PDIK1L: variants seen among roughly 807,000 people sequenced by gnomAD.
The protein encoded by PDIK1L is serine/threonine-protein kinase PDIK1L.
A neutral mutation model predicts 27.1 loss-of-function variants in PDIK1L; 9 were observed. The observed-to-expected ratio is 0.33, with a 90% CI of 0.20 to 0.58. PDIK1L has a LOEUF of 0.58. PDIK1L is among the 20% of genes least tolerant of loss of function. PDIK1L has a pLI of 0.86. For missense variants in PDIK1L, 216 were observed against 413.2 expected (o/e 0.52, Z 4.14); for synonymous variants, 130 against 141.7 (o/e 0.92, Z 0.59).
chr1:26,111,655 C>T (rs2087795407), upstream of PDIK1L, among the ~76,000 whole-genome samples: 3 of 151,568 alleles, frequency 2.0e-5, no homozygotes, highest in Admixed American at 2.0e-4. This position sits in a 1 kb window ranked among gnomAD's most constrained non-coding sequence, Gnocchi z 4.0. Context: ...CCGACGACTC[C>T]CGGCTCTGCA....
In PDIK1L at chr1:26,113,441, G is replaced by T. The variant is rs925302346; in HGVS notation, c.-17-851G>T. On this transcript the variant is annotated intron_variant, in intron 1 of 2. Transcript: ENST00000374269. ...TGGGAGGCGGAGCTTGCAGTGAGCC[G>T]AGATCAAGTCATTGCACTCCAGCCT... 4.1e-5 allele frequency among the ~76,000 whole-genome samples: 6 copies of T among 146,784 alleles called. 1 individual carries two copies. The South Asian group carries it at 8.7e-4, about 21-fold the overall frequency.
In PDIK1L at chr1:26,122,084, A is replaced by G; in HGVS notation, c.533A>G (p.Asp178Gly). ...ATCCTGATTTCTCAAACCAGGTTGGATACCAGTGACTTGGAACCTACCCTC... is the reference window on the plus strand; with the variant it reads ...ATCCTGATTTCTCAAACCAGGTTGGGTACCAGTGACTTGGAACCTACCCTC... Reference protein sequence around the residue: ...DNILISQTRLDTSDLEPTLKV... With the variant: ...DNILISQTRLGTSDLEPTLKV... The change falls in exon 3 of 3, where the codon GAT (aspartate) becomes GGT (glycine). Residue 178 changes from aspartate to glycine, a missense_variant. By Grantham distance (94) the Asp-to-Gly change is moderately conservative (BLOSUM62 -1). Transcript: ENST00000374269. This position sits in a 1 kb window ranked among gnomAD's most constrained non-coding sequence, Gnocchi z 5.4. 6.2e-7 allele frequency: 1 copy of G among 1,613,994 alleles called. No homozygotes were observed.
At position 26,118,275 on chromosome 1, in the gene PDIK1L, C is replaced by T. The variant is rs375028645; in HGVS notation, c.286-3562C>T. 3.3e-5 allele frequency among the ~76,000 whole-genome samples: 5 copies of T among 152,128 alleles called. No homozygotes were observed. The South Asian group carries it at 1.0e-3, about 32-fold the overall frequency. On this transcript the variant is annotated intron_variant, in intron 2 of 2. Transcript: ENST00000374269. ...GTTCAAGACTGCAGTGAGCCATGAT[C>T]GCACCACTGCACTCTAGCCTTTATC...
At chr1:26,115,023 T>A (rs1413588700) in intron 2 of PDIK1L, among the ~76,000 whole-genome samples, 1 of 152,256 alleles carries the variant, frequency 6.6e-6, no homozygotes, top group African/African-American at 2.4e-5. Context: ...AAGCCTCTGC[T>A]GTTTTAGAGG....
chr1:26,114,482 C>T lies in PDIK1L; in HGVS notation c.174C>T (p.Ser58=), dbSNP rs2087848402. ...CCCTTCGTGAGTTCTGGGCACTAAG[C>T]AGTATCAAGAGCCAACATCCAAATG... ...ELALREFWAL[S]SIKSQHPNVI... Residue 58 remains serine, a synonymous_variant, in exon 2 of 3, where the codon AGC becomes AGT. Transcript: ENST00000374269. The surrounding 1 kb of genome is among the most constrained non-coding windows in gnomAD (Gnocchi z 4.8). 6.2e-7 allele frequency: 1 copy of T among 1,613,980 alleles called. No individual in the cohort carries two copies. The highest frequency in any genetic ancestry group is 1.7e-5 in the Admixed American group (1 of 59,974).
chr1:26,118,217 A>C (rs2087914182), intron 2 of PDIK1L, among the ~76,000 whole-genome samples: 1 of 152,140 alleles, frequency 6.6e-6, no homozygotes, highest in South Asian at 2.1e-4. Context: ...GCTACTCAGG[A>C]AGCCGAGGCA....
Position 26,123,313 on chromosome 1 carries a change from C to A in PDIK1L, c.*736C>A, listed in dbSNP as rs2088024494. 6.6e-6 allele frequency: 1 copy of A among 151,940 alleles called. No homozygotes were observed. The highest frequency in any genetic ancestry group is 2.4e-5 in the African/African-American group (1 of 41,354). 9.4% of individuals were successfully genotyped at this position (151,940 alleles called of 1,614,324 possible). Reference sequence around the variant, plus strand: ...GTTTGAACTCTCCAGTGCCCTATAGCTGCAAGAGTTGAATTAGTCATGCAG... The same window carrying A: ...GTTTGAACTCTCCAGTGCCCTATAGATGCAAGAGTTGAATTAGTCATGCAG... On this transcript the variant is annotated 3_prime_UTR_variant, in exon 3 of 3. Coordinates refer to ENST00000374269, the MANE Select transcript of PDIK1L (RefSeq NM_152835.5).
In PDIK1L at chr1:26,111,827, T is replaced by G. The variant is rs1458623265; in HGVS notation, c.-106T>G. On this transcript the variant is annotated 5_prime_UTR_variant, in exon 1 of 3. Transcript: ENST00000374269. The surrounding 1 kb of genome is among the most constrained non-coding windows in gnomAD (Gnocchi z 4.0). The stretch of plus-strand genomic sequence containing the variant: ...ACGGGGGCGCGCGCCGGCTGCTGAC[T>G]GGAGGCGGCGGCAGCGGAGGCGCGA... 1.3e-5 allele frequency: 2 copies of G among 152,050 alleles called. No individual in the cohort carries two copies. Among genetic ancestry groups the G allele is most frequent in the Non-Finnish European group, 1.5e-5 (1 of 68,108 alleles). The allele number at this position is 152,050 out of a possible 1,614,324, so 9.4% of individuals were successfully genotyped here.
intron 2 of PDIK1L, among the ~76,000 whole-genome samples, chr1:26,117,292 A>G (rs2087895501): frequency 1.3e-5 from 2 of 151,796 alleles, no homozygotes. Context: ...GCAGCCTCCC[A>G]AAGTGCTGGG....
rs2087996342 is a variant in PDIK1L at position 26,121,951 on chromosome 1, A to C, written c.400A>C (p.Arg134=). Residue 134 remains arginine (R), a synonymous_variant, in exon 3 of 3, where the codon AGG becomes CGG. Coordinates refer to ENST00000374269, the MANE Select transcript of PDIK1L (RefSeq NM_152835.5). The part of the protein sequence containing the change: ...GGDMNEYLLS[R]KPNRKTNTSF... ...AGATATGAATGAGTATCTGTTGTCC[A>C]GGAAACCCAATCGTAAAACTAACAC... 1 of 1,614,116 alleles carries C rather than the reference A, an allele frequency of 6.2e-7. No homozygotes were observed. Among genetic ancestry groups the C allele is most frequent in the Admixed American group, 1.7e-5 (1 of 60,012 alleles).
rs1190251956 is a variant in PDIK1L, at chr1:26,123,015, T to C, written c.*438T>C. On this transcript the variant is annotated 3_prime_UTR_variant, in exon 3 of 3. Coordinates refer to ENST00000374269, the MANE Select transcript of PDIK1L (RefSeq NM_152835.5). The stretch of plus-strand genomic sequence containing the variant: ...ATTTATGTATATGTAAGTATGTGAA[T>C]GTGCGCATTTTGCATTCCATATGAA... The C allele has an allele frequency of 6.5e-6, 1 of 152,904 alleles. No individual in the cohort carries two copies. The highest frequency in any genetic ancestry group is 6.5e-5 in the Admixed American group (1 of 15,294). 9.5% of individuals were successfully genotyped at this position (152,904 alleles called of 1,614,324 possible). A position where few individuals can be genotyped will look rare whatever the true frequency, so the allele number is the denominator to read the frequency against.
Position 26,114,983 on chromosome 1 carries a change from A to G in PDIK1L, c.285+390A>G, listed in dbSNP as rs570499654. On this transcript the variant is annotated intron_variant, in intron 2 of 2. Coordinates refer to ENST00000374269, the MANE Select transcript of PDIK1L (RefSeq NM_152835.5). This position sits in a 1 kb window ranked among gnomAD's most constrained non-coding sequence, Gnocchi z 4.8. The stretch of plus-strand genomic sequence containing the variant: ...TAGCAACACCCCTAGGTAATTGGGC[A>G]TCTCTTTTATAAATCACTGGTTTGA... Among the ~76,000 whole-genome samples, 2 of 152,352 alleles carry G rather than the reference A, an allele frequency of 1.3e-5. No individual in the cohort carries two copies. Among genetic ancestry groups the G allele is most frequent in the Admixed American group, 1.3e-4 (2 of 15,298 alleles).
chr1:26,122,313 C>T lies in PDIK1L; in HGVS notation c.762C>T (p.Ile254=), dbSNP rs768815827. The change falls in exon 3 of 3, where the codon ATC becomes ATT. Residue 254 remains isoleucine (I), a synonymous_variant. Transcript: ENST00000374269. This position sits in a 1 kb window ranked among gnomAD's most constrained non-coding sequence, Gnocchi z 5.4. Reference sequence around the variant, plus strand: ...TCATCTGGGCAATGCTGGAAAGGATCACATTCATAGACACAGAGACAAAGA... The same window carrying T: ...TCATCTGGGCAATGCTGGAAAGGATTACATTCATAGACACAGAGACAAAGA... The part of the protein sequence containing the change: ...GIIIWAMLER[I]TFIDTETKKE... 8 of 1,614,102 alleles carry T rather than the reference C, an allele frequency of 5.0e-6. No individual in the cohort carries two copies. The highest frequency in any genetic ancestry group is 1.7e-5 in the Admixed American group (1 of 60,008).
Position 26,122,130 on chromosome 1 carries a change from A to G in PDIK1L, c.579A>G (p.Leu193=), listed in dbSNP as rs1557598063. The change falls in exon 3 of 3, where the codon CTA becomes CTG. Residue 193 remains leucine, a synonymous_variant. Transcript: ENST00000374269. The surrounding 1 kb of genome is among the most constrained non-coding windows in gnomAD (Gnocchi z 5.4). ...EPTLKVADFG[L]SKVCSASGQN... ...CCCTCAAAGTGGCTGATTTTGGTCTAAGTAAAGTTTGTTCAGCCTCTGGGC... is the reference window on the plus strand; with the variant it reads ...CCCTCAAAGTGGCTGATTTTGGTCTGAGTAAAGTTTGTTCAGCCTCTGGGC... The G allele has an allele frequency of 1.2e-6, 2 of 1,614,114 alleles. No individual in the cohort carries two copies. Among genetic ancestry groups the G allele is most frequent in the Non-Finnish European group, 1.7e-6 (2 of 1,180,020 alleles).
Position 26,114,688 on chromosome 1 carries a change from A to G in PDIK1L, c.285+95A>G. The G allele has an allele frequency of 1.5e-6, 2 of 1,353,068 alleles. No individual in the cohort carries two copies. The highest frequency in any genetic ancestry group is 4.3e-5 in the Admixed American group (2 of 46,268). The allele number at this position is 1,353,068 out of a possible 1,614,324, so 83.8% of individuals were successfully genotyped here. On this transcript the variant is annotated intron_variant, in intron 2 of 2. Transcript: ENST00000374269. This position sits in a 1 kb window ranked among gnomAD's most constrained non-coding sequence, Gnocchi z 4.8. ...GGGTCAGACGAACGTTTCCCTTTAAATGCAGGTGTTTGTAGTTAGAAGTAG... is the reference window on the plus strand; with the variant it reads ...GGGTCAGACGAACGTTTCCCTTTAAGTGCAGGTGTTTGTAGTTAGAAGTAG...
At chr1:26,120,216 C>T (rs905435462) in intron 2 of PDIK1L, among the ~76,000 whole-genome samples, 1 of 152,170 alleles carries the variant, frequency 6.6e-6, no homozygotes, top group African/African-American at 2.4e-5. Context: ...CCTTATGTGG[C>T]TGTCAAGCCC....
chr1:26,117,251 C>T (rs1048094415), intron 2 of PDIK1L, among the ~76,000 whole-genome samples: 10 of 149,480 alleles, frequency 6.7e-5, no homozygotes, highest in Admixed American at 2.7e-4. Context: ...AGGCTGGTCT[C>T]GAACTCCAGA....
rs1217172871 is a variant in PDIK1L at position 26,122,523 on chromosome 1, A to G, written c.972A>G (p.Glu324=). 5.6e-6 allele frequency: 9 copies of G among 1,613,824 alleles called. No homozygotes were observed. Among genetic ancestry groups the G allele is most frequent in the Non-Finnish European group, 6.8e-6 (8 of 1,179,938 alleles). Residue 324 remains glutamate (E), a synonymous_variant, in exon 3 of 3, where the codon GAA becomes GAG. Transcript: ENST00000374269. The surrounding 1 kb of genome is among the most constrained non-coding windows in gnomAD (Gnocchi z 5.4). ...CTCAGGATCGTCCAGATGCTTTTGA[A>G]CTAGAACTCAGATTAGTACAAATTG... ...ANPQDRPDAF[E]LELRLVQIAF...
Position 26,124,608 on chromosome 1 carries a change from A to G in PDIK1L, c.*2031A>G, listed in dbSNP as rs969793622. 1 of 152,210 alleles carries G rather than the reference A, an allele frequency of 6.6e-6. No homozygotes were observed. Among genetic ancestry groups the G allele is most frequent in the Non-Finnish European group, 1.5e-5 (1 of 68,020 alleles). The allele number at this position is 152,210 out of a possible 1,614,324, so 9.4% of individuals were successfully genotyped here. On this transcript the variant is annotated 3_prime_UTR_variant, in exon 3 of 3. Transcript: ENST00000374269. ...AGCGCATAGTTTTTGGTCCTGCCTCATGTAAAATAGTTAATGATTATCATT... is the reference window on the plus strand; with the variant it reads ...AGCGCATAGTTTTTGGTCCTGCCTCGTGTAAAATAGTTAATGATTATCATT...
Sources: allele counts gnomAD v4.1 joint callset (sites outside exome capture counted in the v4.1 genomes callset), GRCh38; gene constraint gnomAD v4.1.1; non-coding constraint Gnocchi (gnomAD v3.1); transcripts MANE v1.5; gene names NCBI Gene and HGNC (gene_info 2026-07-23, HGNC 2026-07-21).